The following CLN3 variants were observed in gnomAD, a reference collection of about 807,000 sequenced individuals.
CLN3 encodes the protein CLN3 lysosomal/endosomal transmembrane protein, battenin.
A neutral mutation model predicts 60.7 loss-of-function variants in CLN3; 49 were observed. The observed-to-expected ratio is 0.81, with a 90% CI of 0.64 to 1.02. CLN3 has a LOEUF of 1.02. CLN3 is among the 50% of genes least tolerant of loss of function. The pLI is 0.00. For missense variants in CLN3, 516 were observed against 557.4 expected, an observed-to-expected ratio of 0.93 and a Z score of 0.75; for synonymous variants, 256 against 245.8, an observed-to-expected ratio of 1.04 and a Z score of -0.39.
intron 14 of CLN3, among the ~76,000 whole-genome samples, chr16:28,479,183 T>A (rs2046046737): frequency 6.6e-6 from 1 of 152,126 alleles, no homozygotes; most frequent in African/African-American, 2.4e-5. Context: ...ATACTTTTCG[T>A]ATATGTAAGA....
At chr16:28,490,620 C>T (rs1277144075) in intron 3 of CLN3, among the ~76,000 whole-genome samples, 4 of 150,620 alleles carry the variant, frequency 2.7e-5, no homozygotes, top group Non-Finnish European at 5.9e-5. Context: ...AATAGCCGGG[C>T]GTGGTGGCAG....
At chr16:28,489,229 T>A in intron 4 of CLN3, 61 bp downstream of exon 4, 1 of 1,329,870 alleles carries the variant, frequency 7.5e-7, no homozygotes. Flanking sequence ...CCCCACCTTG[T>A]CCCACCCCCT....
intron 14 of CLN3, among the ~76,000 whole-genome samples, chr16:28,478,167 G>A (rs180760103): frequency 6.6e-6 from 1 of 151,888 alleles, no homozygotes; most frequent in East Asian, 1.9e-4. Flanking sequence ...AAAATTATCT[G>A]GGTGTAGTGG....
At chr16:28,487,210 C>A in intron 7 of CLN3, 1 of 587,680 alleles carries the variant, frequency 1.7e-6, no homozygotes. Flanking sequence ...TGTGCCTGGT[C>A]CATCACAGAG....
intron 3 of CLN3, among the ~76,000 whole-genome samples, chr16:28,490,058 A>AG (rs1357863551): frequency 2.3e-5 from 1 of 43,472 alleles, no homozygotes; most frequent in East Asian, 4.2e-4. Context: ...ACTCTATCTC[A>AG]AAAAAAAAAA....
intron 6 of CLN3, 46 bp downstream of exon 6, chr16:28,487,616 T>C: frequency 6.2e-7 from 1 of 1,601,538 alleles, no homozygotes; most frequent in Non-Finnish European, 8.5e-7. Context: ...CAGCCTCCCC[T>C]TTCTCAGCTC....
chr16:28,470,439 G>C (rs144028338), downstream of CLN3: 251 of 1,589,824 alleles, frequency 1.6e-4, no homozygotes, highest in African/African-American at 3.1e-3. Flanking sequence ...GCAGCCGCAT[G>C]TCCTGATCCT....
downstream of CLN3, among the ~76,000 whole-genome samples, chr16:28,472,346 G>A (rs1022836058): frequency 3.9e-5 from 6 of 152,074 alleles, no homozygotes; most frequent in South Asian, 2.1e-4. Context: ...CTATGATCAC[G>A]CCACTTCACT....
rs773016728 is a variant in CLN3 at position 28,491,642 on chromosome 16, C to T, written c.46+72G>A. ...CTTGCGTGTCCTCCCGGGGCCGAGTCAGCTCTCATTCCCCTCAGGTGGGCT... is the reference window on the plus strand; with the variant it reads ...CTTGCGTGTCCTCCCGGGGCCGAGTTAGCTCTCATTCCCCTCAGGTGGGCT... On this transcript the variant is annotated intron_variant, in intron 2 of 15. Transcript: ENST00000636147. 2.5e-6 allele frequency: 4 copies of T among 1,613,808 alleles called. No homozygotes were observed. The East Asian group carries it at 6.7e-5, about 27-fold the overall frequency.
intron 2 of CLN3, 41 bp downstream of exon 2, chr16:28,491,673 C>T (rs375532645): frequency 5.0e-6 from 8 of 1,614,044 alleles, no homozygotes; most frequent in Non-Finnish European, 6.8e-6. Flanking sequence ...GGGCTGCGAG[C>T]CAGAGGTGGT....
In CLN3 at chr16:28,477,732, C is replaced by T. The variant is rs750107443; in HGVS notation, c.1197+5G>A. ...ACCCCCAGCCCTTGCCCGGCCAATG[C>T]TGACCTCCAGGGCGATGTTGTGGAA... On this transcript the variant is annotated splice_donor_5th_base_variant and intron_variant, in intron 15 of 15. Coordinates refer to ENST00000636147, the MANE Select transcript of CLN3 (RefSeq NM_001042432.2). 4.3e-6 allele frequency: 7 copies of T among 1,614,178 alleles called. No homozygotes were observed. The South Asian group carries it at 6.6e-5, about 15-fold the overall frequency.
chr16:28,485,294 C>T lies in CLN3; in HGVS notation c.677+1053G>A, dbSNP rs909908322. Among the ~76,000 whole-genome samples, 46 of 142,270 alleles carry T rather than the reference C, an allele frequency of 3.2e-4. No homozygotes were observed. In the East Asian group the frequency reaches 7.1e-3, roughly 22 times the overall value. 93.3% of individuals were successfully genotyped at this position (142,270 alleles called of 152,430 possible). A position where few individuals can be genotyped will look rare whatever the true frequency, so the allele number is the denominator to read the frequency against. On this transcript the variant is annotated intron_variant, in intron 9 of 15. Coordinates refer to ENST00000636147, the MANE Select transcript of CLN3 (RefSeq NM_001042432.2). ...TACACAGAACTAATCAGGCCGGGCG[C>T]GGTGGCTCACGCCTGTATTCCTAGC... is the stretch of plus-strand genomic sequence containing the variant.
At chr16:28,473,380 G>A (rs185449410), downstream of CLN3, among the ~76,000 whole-genome samples, 689 of 152,028 alleles carry the variant, frequency 4.5e-3, 1 homozygote, top group Non-Finnish European at 7.7e-3. Flanking sequence ...CACCACGCCC[G>A]GCCTCCTTTT....
Position 28,477,745 on chromosome 16 carries a change from C to T in CLN3, c.1189G>A (p.Ala397Thr), listed in dbSNP as rs754468227. The T allele has an allele frequency of 4.3e-6, 7 of 1,614,106 alleles. No homozygotes were observed. The highest frequency in any genetic ancestry group is 5.1e-6 in the Non-Finnish European group (6 of 1,180,026). ...GCCCGGCCAATGCTGACCTCCAGGG[C>T]GATGTTGTGGAAGGTGTTCACGTAG... ...AAYVNTFHNI[A>T]LETSDEHREF... Residue 397 changes from alanine to threonine, a missense_variant, in exon 15 of 16, where the codon GCC becomes ACC. Physicochemically the swap from Ala to Thr is moderately conservative, Grantham distance 58. Coordinates refer to ENST00000636147, the MANE Select transcript of CLN3 (RefSeq NM_001042432.2).
chr16:28,489,257 T>G (rs767394607), intron 4 of CLN3, 33 bp downstream of exon 4: 1 of 1,533,984 alleles, frequency 6.5e-7, no homozygotes, highest in South Asian at 1.1e-5. Context: ...CCACAGGGAC[T>G]AACCATGGTG....
chr16:28,491,904 C>T, intron 1 of CLN3, 69 bp from the exon 2 acceptor site: 1 of 1,065,374 alleles, frequency 9.4e-7, no homozygotes, highest in Non-Finnish European at 1.4e-6. Context: ...GGCACTCGCG[C>T]CCCGCGATCC....
chr16:28,491,115 A>C, intron 3 of CLN3: 1 of 185,702 alleles, frequency 5.4e-6, no homozygotes, highest in East Asian at 1.4e-4. Flanking sequence ...TAAAAAAATA[A>C]AAAAGTTTTA....
At chr16:28,470,525 G>T (rs368382803), downstream of CLN3, 1 of 728,648 alleles carries the variant, frequency 1.4e-6, no homozygotes, top group Non-Finnish European at 2.0e-6. Context: ...GACGGGGACC[G>T]GGGCCGGATC....
At chr16:28,489,848 G>A (rs2046283118) in intron 3 of CLN3, among the ~76,000 whole-genome samples, 1 of 152,086 alleles carries the variant, frequency 6.6e-6, no homozygotes. Context: ...CCTGAGGTCA[G>A]GAGTTCGAGA....
Sources: gnomAD v4.1 joint callset for allele counts (sites outside exome capture counted in the v4.1 genomes callset) on GRCh38, gnomAD v4.1.1 for gene constraint, MANE v1.5 for transcripts, NCBI Gene and HGNC (gene_info 2026-07-23, HGNC 2026-07-21) for gene names.